LGR4: variants seen among roughly 807,000 people sequenced by gnomAD.
The protein encoded by LGR4 is leucine rich repeat containing G protein-coupled receptor 4.
LGR4 carries 44 observed loss-of-function variants against 84.8 expected under a neutral mutation model. The observed-to-expected ratio is 0.52, with a 90% CI of 0.41 to 0.67. The LOEUF (loss-of-function observed/expected upper bound fraction) is 0.67. Among genes scored for constraint, LGR4 ranks in the 30% least tolerant of loss-of-function variants. The pLI, the probability that LGR4 is intolerant of heterozygous loss-of-function variation, is 0.00. For synonymous variants in LGR4, 429 were observed against 434.3 expected, an observed-to-expected ratio of 0.99 and a Z score of 0.15; for missense variants, 1,032 against 1,131.4, an observed-to-expected ratio of 0.91 and a Z score of 1.26.
intron 1 of LGR4, among the ~76,000 whole-genome samples, chr11:27,421,702 G>A (rs1863926385): frequency 6.6e-6 from 1 of 152,136 alleles, no homozygotes; most frequent in Admixed American, 6.5e-5. Flanking sequence ...AATAAAACTA[G>A]TTAGACTAAT....
At chr11:27,414,213 G>C (rs551483850) in intron 1 of LGR4, among the ~76,000 whole-genome samples, 1 of 152,116 alleles carries the variant, frequency 6.6e-6, no homozygotes, top group African/African-American at 2.4e-5. Flanking sequence ...AAGTGCAAAC[G>C]ATGAGTCTTC....
chr11:27,430,070 A>G (rs544230205), intron 1 of LGR4, among the ~76,000 whole-genome samples: 1 of 152,248 alleles, frequency 6.6e-6, no homozygotes, highest in South Asian at 2.1e-4. Context: ...TAACTCCGGT[A>G]TGGTTCATTC....
intron 4 of LGR4, among the ~76,000 whole-genome samples, chr11:27,385,697 C>T (rs1340291067): frequency 6.6e-6 from 1 of 151,860 alleles, no homozygotes; most frequent in Non-Finnish European, 1.5e-5. Context: ...AATCTATATT[C>T]TTCAACTATC....
chr11:27,420,978 C>G (rs2133408746), intron 1 of LGR4, among the ~76,000 whole-genome samples: 1 of 152,220 alleles, frequency 6.6e-6, no homozygotes, highest in Admixed American at 6.5e-5. Flanking sequence ...CCAAGACAAG[C>G]AAAAACTACA....
intron 4 of LGR4, among the ~76,000 whole-genome samples, chr11:27,388,137 T>G (rs1863219701): frequency 6.6e-6 from 1 of 152,146 alleles, no homozygotes; most frequent in Non-Finnish European, 1.5e-5. Flanking sequence ...TAAAAAGAAC[T>G]ATGGAAAAAT....
chr11:27,374,358 CTG>C (rs1862937861), intron 13 of LGR4, among the ~76,000 whole-genome samples: 1 of 152,148 alleles, frequency 6.6e-6, no homozygotes, highest in East Asian at 1.9e-4. Flanking sequence ...ACCTTTGGTA[CTG>C]CTAACTCAGT....
chr11:27,387,884 G>A (rs1863215277), intron 4 of LGR4, among the ~76,000 whole-genome samples: 1 of 152,120 alleles, frequency 6.6e-6, no homozygotes, highest in African/African-American at 2.4e-5. Context: ...AAGGAAAGTG[G>A]TCAGTGCCTT....
At chr11:27,370,388 G>A (rs1195181969) in intron 17 of LGR4, among the ~76,000 whole-genome samples, 1 of 152,188 alleles carries the variant, frequency 6.6e-6, no homozygotes, top group Non-Finnish European at 1.5e-5. Context: ...TCATCTACCT[G>A]AGAGAATAGG....
chr11:27,435,837 AC>A (rs1864197959), intron 1 of LGR4, among the ~76,000 whole-genome samples: 1 of 151,954 alleles, frequency 6.6e-6, no homozygotes, highest in Non-Finnish European at 1.5e-5. Flanking sequence ...CAAATGGTTC[AC>A]ATATCTTAAC....
At chr11:27,395,872 C>T (rs1863381964) in intron 2 of LGR4, among the ~76,000 whole-genome samples, 1 of 152,106 alleles carries the variant, frequency 6.6e-6, no homozygotes, top group African/African-American at 2.4e-5. Context: ...GCTAGTATTT[C>T]TTATAGTAAA....
chr11:27,366,145 G>A lies in LGR4; in HGVS notation c.*1722C>T, dbSNP rs1030288368. 2.0e-5 allele frequency: 3 copies of A among 152,470 alleles called. No homozygotes were observed. Among genetic ancestry groups the A allele is most frequent in the Non-Finnish European group, 2.9e-5 (2 of 67,958 alleles). The allele number at this position is 152,470 out of a possible 1,614,324, so 9.4% of individuals were successfully genotyped here. ...AATTAGGAGTTTCTTACCAAGTTAT[G>A]ATTTAATATTTATCAGATGTGTAAA... On this transcript the variant is annotated 3_prime_UTR_variant, in exon 18 of 18. Coordinates refer to ENST00000379214, the MANE Select transcript of LGR4 (RefSeq NM_018490.5).
intron 1 of LGR4, among the ~76,000 whole-genome samples, chr11:27,457,855 C>T (rs1864603141): frequency 6.6e-6 from 1 of 152,088 alleles, no homozygotes; most frequent in Admixed American, 6.6e-5. Flanking sequence ...TGGCCAGGCA[C>T]AGTGGCTCAC....
At chr11:27,410,042 C>T (rs1863681588) in intron 2 of LGR4, among the ~76,000 whole-genome samples, 1 of 152,154 alleles carries the variant, frequency 6.6e-6, no homozygotes, top group Non-Finnish European at 1.5e-5. Context: ...CAACCACAGG[C>T]AGCTATATGA....
At chr11:27,391,046 C>T (rs1466461244) in intron 4 of LGR4, 48 bp downstream of exon 4, 1 of 1,024,310 alleles carries the variant, frequency 9.8e-7, no homozygotes, top group Non-Finnish European at 1.5e-6. Context: ...ACATCTTTAA[C>T]AGCCAGAGTA....
Position 27,372,334 on chromosome 11 carries a change from A to T in LGR4, c.1444T>A (p.Leu482Ile). ...AFWGCDSYAN[L>I]NTEDNSLQDH... ...TGGAGGCTGTTATCTTCTGTGTTTAAATTTGCATAAGAGTCACAACCCCAA... is the reference window on the plus strand; with the variant it reads ...TGGAGGCTGTTATCTTCTGTGTTTATATTTGCATAAGAGTCACAACCCCAA... Residue 482 changes from leucine (L) to isoleucine (I), a missense_variant, in exon 16 of 18, where the codon TTA becomes ATA. Coordinates refer to ENST00000379214, the MANE Select transcript of LGR4 (RefSeq NM_018490.5). The T allele has an allele frequency of 6.2e-7, 1 of 1,613,916 alleles. No homozygotes were observed. The highest frequency in any genetic ancestry group is 8.5e-7 in the Non-Finnish European group (1 of 1,179,794).
intron 2 of LGR4, among the ~76,000 whole-genome samples, chr11:27,399,615 G>A (rs556717345): frequency 2.0e-5 from 3 of 151,844 alleles, no homozygotes; most frequent in Non-Finnish European, 4.4e-5. Flanking sequence ...AGCCTCCTGG[G>A]TTCAAGCAAT....
At chr11:27,447,324 G>A (rs2133440129) in intron 1 of LGR4, among the ~76,000 whole-genome samples, 1 of 152,240 alleles carries the variant, frequency 6.6e-6, no homozygotes, top group East Asian at 1.9e-4. Flanking sequence ...GCCAAAACCT[G>A]CCAAAACCAA....
intron 1 of LGR4, among the ~76,000 whole-genome samples, chr11:27,458,077 C>T (rs1477001182): frequency 1.3e-5 from 2 of 152,188 alleles, no homozygotes; most frequent in Non-Finnish European, 2.9e-5. Flanking sequence ...CTGCAGTGAA[C>T]TGTGATCATG....
Position 27,376,326 on chromosome 11 carries a change from A to T in LGR4, c.1154T>A (p.Phe385Tyr), listed in dbSNP as rs1396454317. The change falls in exon 13 of 18, where the codon TTT becomes TAT. Residue 385 changes from phenylalanine (F) to tyrosine (Y), a missense_variant. Phe to Tyr is a conservative substitution (Grantham distance 22). Coordinates refer to ENST00000379214, the MANE Select transcript of LGR4 (RefSeq NM_018490.5). Reference protein sequence around the residue: ...NQIYQIKEGTFQGLISLRILD... With the variant: ...NQIYQIKEGTYQGLISLRILD... ...AATCCTTAGAGATATCAGGCCTTGA[A>T]AGGTGCCTTCCTTTATTTGGTAGAT... 6.3e-7 allele frequency: 1 copy of T among 1,584,028 alleles called. No homozygotes were observed. Among genetic ancestry groups the T allele is most frequent in the Admixed American group, 1.7e-5 (1 of 57,696 alleles).
Sources: gnomAD v4.1 joint callset for allele counts (sites outside exome capture counted in the v4.1 genomes callset) on GRCh38, gnomAD v4.1.1 for gene constraint, MANE v1.5 for transcripts, NCBI Gene and HGNC (gene_info 2026-07-23, HGNC 2026-07-21) for gene names.